TAMM41: variants seen among roughly 807,000 people sequenced by gnomAD.
The protein encoded by TAMM41 is phosphatidate cytidylyltransferase, mitochondrial.
TAMM41 carries 36 observed loss-of-function variants against 44.1 expected under a neutral mutation model. The ratio of observed to expected loss-of-function variants is 0.82; its 90% CI spans 0.63 to 1.08. The LOEUF (loss-of-function observed/expected upper bound fraction) is 1.08. Ranked by LOEUF, TAMM41 falls within the 50% of genes least tolerant of loss-of-function variation. The pLI, the probability that TAMM41 is intolerant of heterozygous loss-of-function variation, is 0.00. For synonymous variants in TAMM41, 164 were observed against 153.1 expected, an observed-to-expected ratio of 1.07 and a Z score of -0.53; for missense variants, 417 against 404.3, an observed-to-expected ratio of 1.03 and a Z score of -0.27.
rs770630003 is a variant in TAMM41, at chr3:11,829,817, G to C, written c.459C>G (p.Leu153=). 2 of 1,614,182 alleles carry C rather than the reference G, an allele frequency of 1.2e-6. No homozygotes were observed. The highest frequency in any genetic ancestry group is 3.3e-5 in the Admixed American group (2 of 60,028). The change falls in exon 4 of 8, where the codon CTC becomes CTG. Residue 153 remains leucine, a synonymous_variant. Transcript: ENST00000455809. The part of the protein sequence containing the change: ...VNEDVTLRSA[L]DRNLKSAVTA... Reference sequence around the variant, plus strand: ...TCACAGCACTCTTCAGATTTCTATCGAGGGCTGATCTAAGAGTGACATCCT... The same window carrying C: ...TCACAGCACTCTTCAGATTTCTATCCAGGGCTGATCTAAGAGTGACATCCT...
the TAMM41 span, among the ~76,000 whole-genome samples, chr3:11,728,139 A>AT: frequency 6.6e-6 from 1 of 152,214 alleles, no homozygotes; most frequent in Non-Finnish European, 1.5e-5. Context: ...TCAAAAAAAA[A>AT]GAAAGTGAAA....
At chr3:11,742,089 A>G in the TAMM41 span, among the ~76,000 whole-genome samples, 2 of 150,162 alleles carry the variant, frequency 1.3e-5, no homozygotes, top group African/African-American at 5.1e-5. Flanking sequence ...AGAGGAACAC[A>G]CACATTTAGA....
At chr3:11,826,390 G>A (rs1412179780) in intron 4 of TAMM41, among the ~76,000 whole-genome samples, 2 of 151,978 alleles carry the variant, frequency 1.3e-5, no homozygotes, top group African/African-American at 4.8e-5. Context: ...TTAGCCAGCC[G>A]TGGTGGCGTG....
At chr3:11,738,852 T>A in the TAMM41 span, among the ~76,000 whole-genome samples, 1 of 152,176 alleles carries the variant, frequency 6.6e-6, no homozygotes, top group Admixed American at 6.5e-5. Flanking sequence ...CAGCCTGTGT[T>A]TCAGCAAACT....
Position 11,839,250 on chromosome 3 carries a change from A to C in TAMM41, c.383T>G (p.Leu128Ter). The C allele has an allele frequency of 1.2e-5, 20 of 1,613,640 alleles. No individual in the cohort carries two copies. The highest frequency in any genetic ancestry group is 1.7e-5 in the Non-Finnish European group (20 of 1,179,694). The change falls in exon 3 of 8, where the codon TTA (leucine) becomes TGA (stop). Residue 128 changes from leucine (L) to a stop codon, truncating the protein, a stop_gained. Transcript: ENST00000455809. LOFTEE classifies it high-confidence loss of function. The part of the protein sequence containing the change: ...LIEDLLNWNN[L>*]YIAGRLQKPV... ...TTTTTGGAGTCGTCCAGCAATGTAT[A>C]AGTTATTCCAGTTGAGGAGATCTTC...
At chr3:11,773,144 T>G in the TAMM41 span, among the ~76,000 whole-genome samples, 1 of 151,912 alleles carries the variant, frequency 6.6e-6, no homozygotes, top group African/African-American at 2.4e-5. Flanking sequence ...TTTAGTAGAG[T>G]TGGGGTTTCA....
chr3:11,725,468 T>C, the TAMM41 span, among the ~76,000 whole-genome samples: 1 of 151,018 alleles, frequency 6.6e-6, no homozygotes, highest in South Asian at 2.1e-4. Context: ...CTTCTTCTTC[T>C]CATTCTGTCA....
the TAMM41 span, among the ~76,000 whole-genome samples, chr3:11,755,673 A>G: frequency 6.6e-6 from 1 of 152,114 alleles, no homozygotes; most frequent in Non-Finnish European, 1.5e-5. Context: ...GGCCAGCACT[A>G]AGGCTGCCTG....
intron 3 of TAMM41, among the ~76,000 whole-genome samples, chr3:11,830,437 T>C (rs1345130802): frequency 6.6e-6 from 1 of 152,172 alleles, no homozygotes; most frequent in Non-Finnish European, 1.5e-5. Flanking sequence ...GGCAAATGAT[T>C]TGCATCAAAG....
chr3:11,725,189 G>C, the TAMM41 span, among the ~76,000 whole-genome samples: 1 of 141,074 alleles, frequency 7.1e-6, no homozygotes, highest in Non-Finnish European at 1.5e-5. Flanking sequence ...TCCCTCTTTT[G>C]CTCCCTCCTC....
downstream of TAMM41, among the ~76,000 whole-genome samples, chr3:11,786,724 C>T (rs1238770524): frequency 2.0e-5 from 3 of 152,188 alleles, no homozygotes; most frequent in Admixed American, 6.5e-5. Context: ...CCTCAACCTC[C>T]TGAGTAGCTG....
At chr3:11,760,864 T>A in the TAMM41 span, among the ~76,000 whole-genome samples, 13 of 149,716 alleles carry the variant, frequency 8.7e-5, no homozygotes, top group African/African-American at 2.9e-4. Context: ...CTCGACCAAG[T>A]CATCTTAAAA....
the TAMM41 span, among the ~76,000 whole-genome samples, chr3:11,723,320 C>T: frequency 6.6e-6 from 1 of 152,028 alleles, no homozygotes; most frequent in Admixed American, 6.6e-5. Context: ...TGGCTTATGC[C>T]TGTATTCCCA....
the TAMM41 span, among the ~76,000 whole-genome samples, chr3:11,783,936 A>G: frequency 6.6e-6 from 1 of 152,370 alleles, no homozygotes. Flanking sequence ...TGTAAGGATG[A>G]ATGAGTTAAT....
At chr3:11,739,002 C>CA in the TAMM41 span, among the ~76,000 whole-genome samples, 9 of 152,244 alleles carry the variant, frequency 5.9e-5, no homozygotes, top group Admixed American at 3.3e-4. Context: ...CTCCTGAAAG[C>CA]ACCTTCCACT....
chr3:11,838,517 C>G (rs1004167408), intron 3 of TAMM41, among the ~76,000 whole-genome samples: 1 of 152,166 alleles, frequency 6.6e-6, no homozygotes, highest in African/African-American at 2.4e-5. Context: ...CACACCCAGC[C>G]GGGAAGGCAC....
chr3:11,796,267 T>C (rs2077603800), intron 7 of TAMM41, among the ~76,000 whole-genome samples: 1 of 152,240 alleles, frequency 6.6e-6, no homozygotes, highest in African/African-American at 2.4e-5. Flanking sequence ...TACATTCATC[T>C]AAATTTATAA....
chr3:11,799,905 A>G (rs1361929173), intron 7 of TAMM41, among the ~76,000 whole-genome samples: 2 of 152,214 alleles, frequency 1.3e-5, no homozygotes, highest in Non-Finnish European at 2.9e-5. Context: ...TTTCAGCAGA[A>G]ACCTTAAAGG....
At chr3:11,798,917 TA>T (rs1174591484) in intron 7 of TAMM41, among the ~76,000 whole-genome samples, 1 of 152,066 alleles carries the variant, frequency 6.6e-6, no homozygotes, top group Non-Finnish European at 1.5e-5. Context: ...TAATATATCT[TA>T]AAATATAATC....
Sources: gnomAD v4.1 joint callset for allele counts (sites outside exome capture counted in the v4.1 genomes callset) on GRCh38, gnomAD v4.1.1 for gene constraint, MANE v1.5 for transcripts, NCBI Gene and HGNC (gene_info 2026-07-23, HGNC 2026-07-21) for gene names.